The following DNAJB6 variants were observed in gnomAD, a reference collection of about 807,000 sequenced individuals.
DNAJB6 encodes dnaJ homolog subfamily B member 6.
In DNAJB6, 16 loss-of-function variants were observed where a neutral mutation model predicts 42.7. The observed-to-expected ratio is 0.37, with a 90% confidence interval of 0.25 to 0.57. DNAJB6 has a LOEUF of 0.57. Ranked by LOEUF, DNAJB6 falls within the 20% of genes least tolerant of loss-of-function variation. The pLI, the probability that DNAJB6 is intolerant of heterozygous loss-of-function variation, is 0.74. For missense variants in DNAJB6, 347 were observed against 416.8 expected, an observed-to-expected ratio of 0.83 and a Z score of 1.46; for synonymous variants, 170 against 163.5, an observed-to-expected ratio of 1.04 and a Z score of -0.30.
Position 157,363,136 on chromosome 7 carries a change from A to T in DNAJB6, c.66-25A>T, listed in dbSNP as rs148133541. The T allele has an allele frequency of 1.6e-3, 2,329 of 1,475,286 alleles. 3 individuals carry two copies. Among genetic ancestry groups the T allele is most frequent in the Non-Finnish European group, 1.6e-3 (1,662 of 1,066,368 alleles). 91.4% of individuals were successfully genotyped at this position (1,475,286 alleles called of 1,614,324 possible). ...AGTTGATTTCTGGATTTAGAATGTGATCTATATCCTTTATTCTTTCCAAGA... is the reference window on the plus strand; with the variant it reads ...AGTTGATTTCTGGATTTAGAATGTGTTCTATATCCTTTATTCTTTCCAAGA... On this transcript the variant is annotated intron_variant, in intron 2 of 9. Transcript: ENST00000262177.
intron 8 of DNAJB6, among the ~76,000 whole-genome samples, chr7:157,398,560 C>T (rs997142707): frequency 6.6e-6 from 1 of 152,192 alleles, no homozygotes; most frequent in South Asian, 2.1e-4. Flanking sequence ...CATGCCCGCG[C>T]GGCAGCTGCG....
rs1800809270 is a variant in DNAJB6 at position 157,382,069 on chromosome 7, A to T, written c.347-177A>T. On this transcript the variant is annotated intron_variant, in intron 5 of 9. Coordinates refer to ENST00000262177, the MANE Select transcript of DNAJB6 (RefSeq NM_058246.4). ...TTTAGTTGAATTAAACTAGTTAGTA[A>T]AACTGTTGGTGAGGTAGTGTTTCAG... 5.4e-6 allele frequency: 3 copies of T among 554,286 alleles called. No individual in the cohort carries two copies. In the East Asian group the frequency reaches 1.0e-4, roughly 19 times the overall value. 34.3% of individuals were successfully genotyped at this position (554,286 alleles called of 1,614,324 possible).
chr7:157,349,353 G>A (rs2116894417), intron 1 of DNAJB6, among the ~76,000 whole-genome samples: 1 of 152,322 alleles, frequency 6.6e-6, no homozygotes, highest in East Asian at 1.9e-4. Flanking sequence ...AATGGGGCCA[G>A]TCTCACTAAA....
At chr7:157,352,788 G>A (rs1003215931) in intron 1 of DNAJB6, among the ~76,000 whole-genome samples, 2 of 152,118 alleles carry the variant, frequency 1.3e-5, no homozygotes, top group Non-Finnish European at 2.9e-5. Flanking sequence ...CATGGAAGTG[G>A]ATGTCACCCA....
At chr7:157,355,487 C>G (rs1176604337) in intron 1 of DNAJB6, among the ~76,000 whole-genome samples, 1 of 152,152 alleles carries the variant, frequency 6.6e-6, no homozygotes, top group Non-Finnish European at 1.5e-5. Context: ...TTCAGCGGGC[C>G]AGTGGAGGGG....
At chr7:157,339,281 CTTTTTTTTTTTTTTTT>C (rs34284253) in intron 1 of DNAJB6, among the ~76,000 whole-genome samples, 51 of 68,292 alleles carry the variant, frequency 7.5e-4, no homozygotes, top group African/African-American at 2.6e-3. Context: ...CTGTTTGCAC[CTTTTTTTTTTTTTTTT>C]TTTTTTTTTT....
intron 9 of DNAJB6, chr7:157,410,483 G>A: frequency 5.1e-6 from 1 of 195,894 alleles, no homozygotes; most frequent in African/African-American, 2.3e-5. Context: ...GTGAAGCGTA[G>A]TCTGCCCGCC....
chr7:157,358,326 T>A (rs1799411297), intron 1 of DNAJB6, among the ~76,000 whole-genome samples: 1 of 152,178 alleles, frequency 6.6e-6, no homozygotes, highest in Non-Finnish European at 1.5e-5. Flanking sequence ...CAGAGCTTTT[T>A]TCCCCGTCTC....
chr7:157,358,620 C>CGAGGATATTAAAAAGGCGTAAGTA lies in DNAJB6; in HGVS notation c.50_65+8dup. The CGAGGATATTAAAAAGGCGTAAGTA allele has an allele frequency of 6.2e-7, 1 of 1,613,110 alleles. No homozygotes were observed. Among genetic ancestry groups the CGAGGATATTAAAAAGGCGTAAGTA allele is most frequent in the Non-Finnish European group, 8.5e-7 (1 of 1,179,152 alleles). ...TAGGCGTGCAGAGACATGCCTCACC[C>CGAGGATATTAAAAAGGCGTAAGTA]GAGGATATTAAAAAGGCGTAAGTAG... is the stretch of plus-strand genomic sequence containing the variant. On this transcript the variant is annotated stop_gained and inframe_insertion, in exon 2 of 10. Transcript: ENST00000262177. LOFTEE classifies it high-confidence loss of function.
chr7:157,354,191 A>T (rs1259368046), intron 1 of DNAJB6, among the ~76,000 whole-genome samples: 1 of 152,132 alleles, frequency 6.6e-6, no homozygotes, highest in Non-Finnish European at 1.5e-5. Context: ...CTTGTTGCCC[A>T]GGCTGGAGTG....
intron 1 of DNAJB6, among the ~76,000 whole-genome samples, chr7:157,349,841 TC>T (rs1285795838): frequency 1.3e-5 from 2 of 152,022 alleles, no homozygotes; most frequent in African/African-American, 4.8e-5. Flanking sequence ...GACGGTTTCG[TC>T]ATGTCAGCCA....
At chr7:157,343,807 G>C (rs1281863160) in intron 1 of DNAJB6, among the ~76,000 whole-genome samples, 1 of 152,162 alleles carries the variant, frequency 6.6e-6, no homozygotes, top group Middle Eastern at 3.2e-3. Context: ...ATTTATTGGA[G>C]AAGGTTATTT....
intron 5 of DNAJB6, among the ~76,000 whole-genome samples, chr7:157,368,434 G>T (rs906512431): frequency 3.9e-5 from 6 of 152,212 alleles, no homozygotes; most frequent in African/African-American, 1.4e-4. Flanking sequence ...GAGGACTGTT[G>T]TTGAGAGTTT....
intron 5 of DNAJB6, among the ~76,000 whole-genome samples, chr7:157,376,006 G>A (rs1217406373): frequency 6.6e-6 from 1 of 152,150 alleles, no homozygotes; most frequent in Non-Finnish European, 1.5e-5. Flanking sequence ...ATGACAGCAG[G>A]CCTCTCCTGG....
At chr7:157,346,863 C>CT (rs1428555991) in intron 1 of DNAJB6, among the ~76,000 whole-genome samples, 1 of 151,952 alleles carries the variant, frequency 6.6e-6, no homozygotes, top group African/African-American at 2.4e-5. Context: ...TCTTTTTTTT[C>CT]TTGTTTTCTT....
chr7:157,400,957 T>G (rs1801831566), intron 8 of DNAJB6, among the ~76,000 whole-genome samples: 1 of 152,248 alleles, frequency 6.6e-6, no homozygotes, highest in Admixed American at 6.5e-5. Flanking sequence ...AAAGGTTTGA[T>G]GACCTCTTTC....
chr7:157,392,613 T>C (rs1349031498), intron 8 of DNAJB6, among the ~76,000 whole-genome samples: 6 of 152,222 alleles, frequency 3.9e-5, no homozygotes, highest in South Asian at 2.1e-4. Flanking sequence ...GCACCCTGTA[T>C]GGATGGCAGT....
rs371655439 is a variant in DNAJB6, at chr7:157,409,766, C to T, written c.692-29C>T. The T allele has an allele frequency of 1.1e-4, 165 of 1,502,138 alleles. 1 individual carries two copies. In the African/African-American group the frequency reaches 2.1e-3, roughly 19 times the overall value. The allele number at this position is 1,502,138 out of a possible 1,614,324, so 93.1% of individuals were successfully genotyped here. A position where few individuals can be genotyped will look rare whatever the true frequency, so the allele number is the denominator to read the frequency against. ...GGGGCCGGCCGCCGCCGCTCACTCA[C>T]GGCTCTCTCTCTCCCGCTGTGCCTG... On this transcript the variant is annotated intron_variant, in intron 8 of 9. Transcript: ENST00000262177.
intron 8 of DNAJB6, among the ~76,000 whole-genome samples, chr7:157,390,142 C>G (rs1408148550): frequency 6.6e-6 from 1 of 152,242 alleles, no homozygotes; most frequent in East Asian, 1.9e-4. Flanking sequence ...GTTGCTGTCC[C>G]ACAGCCCTTG....
Sources: gnomAD v4.1 joint callset for allele counts (sites outside exome capture counted in the v4.1 genomes callset) on GRCh38, gnomAD v4.1.1 for gene constraint, MANE v1.5 for transcripts, NCBI Gene and HGNC (gene_info 2026-07-23, HGNC 2026-07-21) for gene names.